Variants in RIMS1 observed in about 807,000 individuals in gnomAD.
RIMS1 encodes the protein regulating synaptic membrane exocytosis protein 1.
Under a neutral mutation model 214.1 loss-of-function variants are expected in RIMS1, and 83 were observed. The observed-to-expected ratio is 0.39, with a 90% confidence interval of 0.32 to 0.47. RIMS1 has a LOEUF of 0.47. Ranked by LOEUF, RIMS1 falls within the 20% of genes least tolerant of loss-of-function variation. RIMS1 has a pLI of 0.99. For synonymous variants in RIMS1, 793 were observed against 786.8 expected (o/e 1.01, Z -0.13); for missense variants, 2,050 against 2,161.8 (o/e 0.95, Z 1.03).
chr6:72,273,246 T>A (rs535635434), intron 22 of RIMS1, among the ~76,000 whole-genome samples: 1 of 152,154 alleles, frequency 6.6e-6, no homozygotes, highest in Non-Finnish European at 1.5e-5. Flanking sequence ...AACCAAGTTA[T>A]ATCTGGCAAG....
chr6:72,026,459 C>CA, intron 2 of RIMS1, among the ~76,000 whole-genome samples: 1 of 137,544 alleles, frequency 7.3e-6, no homozygotes, highest in African/African-American at 2.7e-5. Flanking sequence ...AGCACCGCCC[C>CA]CCCCCCCAAC....
intron 29 of RIMS1, among the ~76,000 whole-genome samples, chr6:72,388,978 A>G (rs935148024): frequency 5.3e-5 from 8 of 152,284 alleles, no homozygotes; most frequent in East Asian, 1.9e-4. Context: ...ACCTTGATGT[A>G]TATTTGGGAG....
At chr6:72,259,251 A>G (rs376346023) in intron 18 of RIMS1, 140 bp downstream of exon 18, 2 of 550,576 alleles carry the variant, frequency 3.6e-6, no homozygotes, top group Non-Finnish European at 6.2e-6. Flanking sequence ...AACTGTTAAC[A>G]TATTGTAATA....
chr6:72,214,553 T>C (rs2054894966), intron 6 of RIMS1, among the ~76,000 whole-genome samples: 1 of 152,184 alleles, frequency 6.6e-6, no homozygotes, highest in African/African-American at 2.4e-5. Flanking sequence ...AATGACTTTA[T>C]AATTTGAAGT....
rs147556804 is a variant in RIMS1 at position 71,900,669 on chromosome 6, T to A, written c.164+13482T>A. Among the ~76,000 whole-genome samples, 761 of 152,244 alleles carry A rather than the reference T, an allele frequency of 5.0e-3. 3 individuals carry two copies. The highest frequency in any genetic ancestry group is 0.01 in the Middle Eastern group (3 of 294). On this transcript the variant is annotated intron_variant, in intron 1 of 33. Transcript: ENST00000521978. ...GATTGAATATGGGTTGATGTCAGAC[T>A]TGTGCCACCAAGTTTTGGGAGTATC...
intron 2 of RIMS1, among the ~76,000 whole-genome samples, chr6:72,057,691 T>C (rs748240012): frequency 2.0e-5 from 3 of 151,954 alleles, no homozygotes; most frequent in Non-Finnish European, 4.4e-5. Flanking sequence ...GTATTTTCAG[T>C]AGAGACAGGG....
At chr6:72,212,302 C>G (rs2154007782) in intron 6 of RIMS1, among the ~76,000 whole-genome samples, 1 of 150,742 alleles carries the variant, frequency 6.6e-6, no homozygotes, top group South Asian at 2.1e-4. Context: ...TGTAGCATGT[C>G]ACATATAATA....
intron 2 of RIMS1, among the ~76,000 whole-genome samples, chr6:72,021,872 C>T (rs1814798215): frequency 6.6e-6 from 1 of 152,142 alleles, no homozygotes; most frequent in South Asian, 2.1e-4. Flanking sequence ...TTCACCCTCA[C>T]CTTTGAGGAG....
rs571540836 is a variant in RIMS1, at chr6:71,887,056, C to A, written c.33C>A (p.Arg11=). MSSAVGPRGP[R]PPTVPPPMQE... Reference sequence around the variant, plus strand: ...CGGCCGTGGGGCCCCGCGGTCCTCGCCCACCCACGGTGCCTCCCCCCATGC... The same window carrying A: ...CGGCCGTGGGGCCCCGCGGTCCTCGACCACCCACGGTGCCTCCCCCCATGC... The change falls in exon 1 of 34, where the codon CGC becomes CGA. Residue 11 remains arginine (R), a synonymous_variant. Coordinates refer to ENST00000521978, the MANE Select transcript of RIMS1 (RefSeq NM_014989.7). 35 of 1,613,420 alleles carry A rather than the reference C, an allele frequency of 2.2e-5. No homozygotes were observed. In the South Asian group the frequency reaches 3.2e-4, roughly 15 times the overall value.
intron 6 of RIMS1, among the ~76,000 whole-genome samples, chr6:72,211,254 A>T (rs932507462): frequency 6.6e-6 from 1 of 152,208 alleles, no homozygotes; most frequent in African/African-American, 2.4e-5. Flanking sequence ...AATACAATAT[A>T]GCAGGGCTCA....
At chr6:72,196,603 T>TTTTTTTA (rs780611745) in intron 6 of RIMS1, among the ~76,000 whole-genome samples, 2 of 132,206 alleles carry the variant, frequency 1.5e-5, no homozygotes, top group African/African-American at 5.6e-5. Flanking sequence ...TTTTTTTTTT[T>TTTTTTTA]ACCTATACAG....
chr6:72,301,503 G>A lies in RIMS1; in HGVS notation c.3851-5755G>A, dbSNP rs182260579. Among the ~76,000 whole-genome samples, 327 of 151,694 alleles carry A rather than the reference G, an allele frequency of 2.2e-3. 1 individual carries two copies. Among genetic ancestry groups the A allele is most frequent in the African/African-American group, 7.4e-3 (308 of 41,498 alleles). ...ACCAACCATGGATCAAAAATGTTTG[G>A]GGGGAAAATGATTGGTAGCATCTGT... On this transcript the variant is annotated intron_variant, in intron 26 of 33. Coordinates refer to ENST00000521978, the MANE Select transcript of RIMS1 (RefSeq NM_014989.7).
At chr6:72,359,664 A>G (rs763483850) in intron 29 of RIMS1, among the ~76,000 whole-genome samples, 49 of 152,170 alleles carry the variant, frequency 3.2e-4, no homozygotes, top group Non-Finnish European at 5.4e-4. Context: ...TTAATTGACT[A>G]CTATATTTTG....
chr6:72,061,491 G>A (rs890339552), intron 2 of RIMS1, among the ~76,000 whole-genome samples: 1 of 152,224 alleles, frequency 6.6e-6, no homozygotes. Context: ...TGTTTCCACG[G>A]ATGGACTGGT....
chr6:72,272,107 C>A (rs957914459), intron 22 of RIMS1, among the ~76,000 whole-genome samples: 1 of 152,048 alleles, frequency 6.6e-6, no homozygotes, highest in African/African-American at 2.4e-5. Flanking sequence ...AAGAAAGGAC[C>A]GGTTTAGTTC....
At chr6:72,006,856 A>G (rs1409527898) in intron 2 of RIMS1, among the ~76,000 whole-genome samples, 1 of 152,196 alleles carries the variant, frequency 6.6e-6, no homozygotes, top group Non-Finnish European at 1.5e-5. Context: ...CCCACCACAG[A>G]TGAAGGAGGT....
chr6:72,221,522 T>C (rs1302175800), intron 6 of RIMS1, among the ~76,000 whole-genome samples: 1 of 152,016 alleles, frequency 6.6e-6, no homozygotes, highest in Non-Finnish European at 1.5e-5. Flanking sequence ...GCCATTAGAA[T>C]ACAGTTGCAA....
chr6:72,304,955 A>AT (rs70994120), intron 26 of RIMS1, among the ~76,000 whole-genome samples: 15 of 151,152 alleles, frequency 9.9e-5, no homozygotes, highest in South Asian at 2.1e-4. Context: ...TAATTTGGAG[A>AT]TTTTTTTTTC....
At chr6:72,316,265 T>C (rs1329280846) in intron 28 of RIMS1, among the ~76,000 whole-genome samples, 1 of 151,980 alleles carries the variant, frequency 6.6e-6, no homozygotes, top group Admixed American at 6.6e-5. Context: ...TCCCCCAGCT[T>C]GGAGCACAGG....
Sources: allele counts gnomAD v4.1 joint callset (sites outside exome capture counted in the v4.1 genomes callset), GRCh38; gene constraint gnomAD v4.1.1; transcripts MANE v1.5; gene names NCBI Gene and HGNC (gene_info 2026-07-23, HGNC 2026-07-21).